The following PDE10A variants were observed in gnomAD, a reference collection of about 807,000 sequenced individuals.
The protein encoded by PDE10A is phosphodiesterase 10A, also known as cAMP and cAMP-inhibited cGMP 3',5'-cyclic phosphodiesterase 10A.
In PDE10A, 39 loss-of-function variants were observed where a neutral mutation model predicts 97.7. The ratio of observed to expected loss-of-function variants is 0.40; its 90% CI spans 0.31 to 0.52. PDE10A has a LOEUF of 0.52. PDE10A is among the 20% of genes least tolerant of loss of function. PDE10A has a pLI of 0.56. For synonymous variants in PDE10A, 371 were observed against 376.8 expected (o/e 0.98, Z 0.18); for missense variants, 731 against 1,047.8 (o/e 0.70, Z 4.17).
At chr6:165,360,050 G>A (rs1452317709) in intron 18 of PDE10A, among the ~76,000 whole-genome samples, 1 of 152,196 alleles carries the variant, frequency 6.6e-6, no homozygotes, top group Non-Finnish European at 1.5e-5. Context: ...GCTTTGGTTA[G>A]GAGAATCAAG....
rs527242690 is a variant in PDE10A at position 165,806,657 on chromosome 6, C to CT, written c.-615+180871_-615+180872insA. ...GCATGGCTCTGCTGAGCGCCCCCCCCCAGGCTCTTCTTTAGACTTTGATGA... is the reference window on the plus strand; with the variant it reads ...GCATGGCTCTGCTGAGCGCCCCCCCCTCAGGCTCTTCTTTAGACTTTGATGA... On this transcript the variant is annotated intron_variant, in intron 1 of 19. Coordinates refer to the PDE10A transcript ENST00000366882. 2.0e-5 allele frequency among the ~76,000 whole-genome samples: 3 copies of CT among 150,882 alleles called. No homozygotes were observed. The East Asian group carries it at 5.8e-4, about 29-fold the overall frequency.
chr6:165,355,112 C>A (rs1211232512), intron 18 of PDE10A, among the ~76,000 whole-genome samples: 1 of 152,210 alleles, frequency 6.6e-6, no homozygotes, highest in East Asian at 1.9e-4. Flanking sequence ...TTAATGATTT[C>A]CTTTAAAGTG....
At chr6:165,855,960 C>T (rs773337911) in intron 1 of PDE10A, among the ~76,000 whole-genome samples, 3 of 152,116 alleles carry the variant, frequency 2.0e-5, no homozygotes, top group African/African-American at 7.2e-5. Flanking sequence ...AATGGGAAGA[C>T]GTATTGGTGT....
At chr6:165,688,420 G>A (rs531427508) in intron 1 of PDE10A, among the ~76,000 whole-genome samples, 36 of 152,280 alleles carry the variant, frequency 2.4e-4, no homozygotes, top group African/African-American at 4.1e-4. Context: ...AAATGGTTTC[G>A]TGGTATAATT....
intron 1 of PDE10A, among the ~76,000 whole-genome samples, chr6:165,732,167 C>T (rs1263899555): frequency 1.3e-5 from 2 of 152,218 alleles, no homozygotes; most frequent in Admixed American, 1.3e-4. Flanking sequence ...GGCTTTCTTA[C>T]GAGAACTACC....
chr6:165,570,008 T>C (rs1216390059), intron 1 of PDE10A, among the ~76,000 whole-genome samples: 5 of 152,318 alleles, frequency 3.3e-5, no homozygotes, highest in Middle Eastern at 3.4e-3. Flanking sequence ...TTCTTCTCTG[T>C]TATGGACTAA....
chr6:165,559,569 CT>C (rs1406558275), intron 1 of PDE10A, among the ~76,000 whole-genome samples: 1 of 152,122 alleles, frequency 6.6e-6, no homozygotes, highest in African/African-American at 2.4e-5. Context: ...TAATAAATCC[CT>C]TCTTTATTCA....
intron 1 of PDE10A, among the ~76,000 whole-genome samples, chr6:165,649,199 G>A (rs1325075492): frequency 1.3e-5 from 2 of 152,120 alleles, no homozygotes; most frequent in Admixed American, 1.3e-4. Context: ...GGTCAGGAAA[G>A]GGTTCTCATA....
rs696274 is a variant in PDE10A at position 165,431,630 on chromosome 6, A to G, written c.1492-158T>C. On this transcript the variant is annotated intron_variant, in intron 7 of 21. Transcript: ENST00000539869. ...TATATATCATACATAACATATATAT[A>G]TATATACACACACACACTACTTGTA... 7.8e-3 allele frequency among the ~76,000 whole-genome samples: 1,147 copies of G among 146,990 alleles called. 18 individuals are homozygous for G. Among genetic ancestry groups the G allele is most frequent in the African/African-American group, 0.028 (1,095 of 39,464 alleles).
At chr6:165,691,203 CCACACACACA>C (rs1241239698) in intron 1 of PDE10A, among the ~76,000 whole-genome samples, 1 of 108,598 alleles carries the variant, frequency 9.2e-6, no homozygotes, top group East Asian at 2.7e-4. Flanking sequence ...CTCTCTCTCC[CCACACACACA>C]CACACACACA....
chr6:165,943,093 C>T (rs1471560261), intron 1 of PDE10A, among the ~76,000 whole-genome samples: 5 of 145,298 alleles, frequency 3.4e-5, no homozygotes, highest in Non-Finnish European at 7.5e-5. Context: ...AGAAACAGAA[C>T]CCAGAGAGAG....
chr6:165,441,918 A>G (rs1474599995), intron 5 of PDE10A, among the ~76,000 whole-genome samples: 1 of 152,232 alleles, frequency 6.6e-6, no homozygotes, highest in Non-Finnish European at 1.5e-5. Context: ...AGGATAATTT[A>G]TATTTTCCTT....
At chr6:165,878,422 C>T (rs1232842908) in intron 1 of PDE10A, among the ~76,000 whole-genome samples, 2 of 152,180 alleles carry the variant, frequency 1.3e-5, no homozygotes, top group Non-Finnish European at 2.9e-5. Context: ...CAAGTAAAAG[C>T]ATCAGCTTTG....
At chr6:165,587,572 T>A (rs1785990098) in intron 1 of PDE10A, among the ~76,000 whole-genome samples, 1 of 152,178 alleles carries the variant, frequency 6.6e-6, no homozygotes, top group African/African-American at 2.4e-5. Flanking sequence ...TCACTGCATG[T>A]TTCATTAAGT....
chr6:165,760,244 A>C (rs895003192), intron 1 of PDE10A, among the ~76,000 whole-genome samples: 2 of 152,148 alleles, frequency 1.3e-5, no homozygotes, highest in South Asian at 4.1e-4. Flanking sequence ...GTTGAGATTT[A>C]ATGGATTATT....
rs1355159514 is a variant in PDE10A at position 165,787,000 on chromosome 6, G to A, written c.-615+200529C>T. Among the ~76,000 whole-genome samples, 3 of 152,070 alleles carry A rather than the reference G, an allele frequency of 2.0e-5. No homozygotes were observed. The East Asian group carries it at 5.8e-4, about 29-fold the overall frequency. ...GCTTCATTCCAGAAAGTATAAGTGA[G>A]TAATTAAATATATTCTTTAGCGGCA... On this transcript the variant is annotated intron_variant, in intron 1 of 19. Coordinates refer to the PDE10A transcript ENST00000366882.
chr6:165,879,802 T>G (rs1781429761), intron 1 of PDE10A, among the ~76,000 whole-genome samples: 1 of 152,208 alleles, frequency 6.6e-6, no homozygotes, highest in African/African-American at 2.4e-5. Context: ...TTTTAAAAAT[T>G]TTGTAATCTT....
intron 1 of PDE10A, among the ~76,000 whole-genome samples, chr6:165,744,963 A>G (rs1302646838): frequency 6.6e-6 from 1 of 152,186 alleles, no homozygotes; most frequent in Non-Finnish European, 1.5e-5. Context: ...TTGATTTACA[A>G]TACCATTAGT....
chr6:165,823,781 G>T (rs997462524), intron 1 of PDE10A, among the ~76,000 whole-genome samples: 6 of 151,828 alleles, frequency 4.0e-5, no homozygotes, highest in Non-Finnish European at 8.8e-5. Flanking sequence ...ACGTTAAGAA[G>T]ACTATGACGT....
Sources: allele counts gnomAD v4.1 joint callset (sites outside exome capture counted in the v4.1 genomes callset), GRCh38; gene constraint gnomAD v4.1.1; transcripts MANE v1.5; gene names NCBI Gene and HGNC (gene_info 2026-07-23, HGNC 2026-07-21).